The following NPSR1 variants were observed in gnomAD, a reference collection of about 807,000 sequenced individuals.
The protein encoded by NPSR1 is neuropeptide S receptor.
Under a neutral mutation model 46.9 loss-of-function variants are expected in NPSR1, and 48 were observed. The ratio of observed to expected loss-of-function variants is 1.02; its 90% CI spans 0.81 to 1.30. The LOEUF (loss-of-function observed/expected upper bound fraction) is 1.30, where lower values mean the gene tolerates loss of function less well. Ranked by LOEUF, NPSR1 falls within the 50% of genes most tolerant of loss-of-function variation. NPSR1 has a pLI of 0.00. For synonymous variants in NPSR1, 176 were observed against 168.1 expected (o/e 1.05, Z -0.36); for missense variants, 450 against 449.5 (o/e 1.00, Z -0.01).
chr7:34,687,326 T>C (rs572883260), intron 2 of NPSR1, among the ~76,000 whole-genome samples: 4 of 152,318 alleles, frequency 2.6e-5, no homozygotes, highest in African/African-American at 9.6e-5. Flanking sequence ...CAGTGATAAC[T>C]CAATAGTATG....
At chr7:34,767,739 G>A (rs1336388563) in intron 2 of NPSR1, among the ~76,000 whole-genome samples, 1 of 152,036 alleles carries the variant, frequency 6.6e-6, no homozygotes, top group Non-Finnish European at 1.5e-5. Flanking sequence ...AATAATGAAA[G>A]CATCAAATCA....
At chr7:34,845,995 G>A (rs771565504) in intron 7 of NPSR1, among the ~76,000 whole-genome samples, 7 of 152,140 alleles carry the variant, frequency 4.6e-5, no homozygotes, top group Non-Finnish European at 8.8e-5. Flanking sequence ...TTTCTGAAAC[G>A]CAACTGCAAA....
intron 2 of NPSR1, chr7:34,750,353 T>C (rs1357805011): frequency 1.4e-6 from 1 of 728,738 alleles, no homozygotes; most frequent in East Asian, 2.6e-5. Flanking sequence ...ACTTGACTCA[T>C]CACTTGAGAA....
intron 4 of NPSR1, among the ~76,000 whole-genome samples, chr7:34,812,292 T>A (rs1336433203): frequency 6.6e-6 from 1 of 152,054 alleles, no homozygotes; most frequent in South Asian, 2.1e-4. Flanking sequence ...ATAGAAATAA[T>A]TGGAAAGATG....
At chr7:34,842,112 C>A (rs1790585266) in intron 6 of NPSR1, among the ~76,000 whole-genome samples, 1 of 152,194 alleles carries the variant, frequency 6.6e-6, no homozygotes, top group East Asian at 1.9e-4. Flanking sequence ...ATCCAACATC[C>A]AAGCTTGGGG....
chr7:34,756,103 A>G (rs764042318), intron 2 of NPSR1, among the ~76,000 whole-genome samples: 2 of 152,180 alleles, frequency 1.3e-5, no homozygotes, highest in Non-Finnish European at 2.9e-5. Context: ...CCTGCTAGAC[A>G]TGGGGAGGAG....
chr7:34,836,120 C>G (rs564450141), intron 6 of NPSR1, among the ~76,000 whole-genome samples: 1 of 152,226 alleles, frequency 6.6e-6, no homozygotes, highest in Admixed American at 6.5e-5. Flanking sequence ...TAATTCCAGC[C>G]CCCATGCAGA....
intron 3 of NPSR1, among the ~76,000 whole-genome samples, chr7:34,808,135 G>C (rs1035961665): frequency 2.6e-5 from 4 of 152,172 alleles, no homozygotes; most frequent in Non-Finnish European, 4.4e-5. Context: ...GCCAAGGACT[G>C]CTGGCAGTCA....
At chr7:34,787,063 T>C (rs1787497863) in intron 3 of NPSR1, among the ~76,000 whole-genome samples, 2 of 152,152 alleles carry the variant, frequency 1.3e-5, no homozygotes, top group South Asian at 2.1e-4. Context: ...TTCTCCTCTC[T>C]AGCTATAGAA....
chr7:34,711,693 G>C (rs143470985), intron 2 of NPSR1, among the ~76,000 whole-genome samples: 1 of 152,220 alleles, frequency 6.6e-6, no homozygotes, highest in African/African-American at 2.4e-5. Context: ...ACACTGAGAC[G>C]ATGCACATAA....
intron 4 of NPSR1, among the ~76,000 whole-genome samples, chr7:34,813,723 C>T (rs532326327): frequency 6.6e-6 from 1 of 152,314 alleles, no homozygotes; most frequent in East Asian, 1.9e-4. Context: ...CAAAACTTGA[C>T]ATTTGACCTC....
In NPSR1 at chr7:34,861,539, T is replaced by G. The variant is rs1791191741; in HGVS notation, c.1025+12876T>G. On this transcript the variant is annotated intron_variant, in intron 8 of 8. Transcript: ENST00000359791. ...CTGTACAATGTGCTTATTGGCTATG[T>G]TTATTGTTGATATCTCCCATGAGAC... 3.3e-5 allele frequency among the ~76,000 whole-genome samples: 5 copies of G among 151,892 alleles called. No homozygotes were observed. The South Asian group carries it at 1.0e-3, about 31-fold the overall frequency.
intron 2 of NPSR1, among the ~76,000 whole-genome samples, chr7:34,742,173 T>C (rs1371040845): frequency 6.8e-5 from 10 of 148,044 alleles, no homozygotes; most frequent in Non-Finnish European, 1.5e-5. Context: ...TCTCTCTCCT[T>C]TTTTTTTTTT....
chr7:34,761,624 G>GA (rs1786177800), intron 2 of NPSR1, among the ~76,000 whole-genome samples: 1 of 152,086 alleles, frequency 6.6e-6, no homozygotes, highest in African/African-American at 2.4e-5. Context: ...TGGGCAAAGG[G>GA]AAAAAGACAT....
chr7:34,779,824 A>G (rs921305927), intron 3 of NPSR1: 1 of 220,656 alleles, frequency 4.5e-6, no homozygotes, highest in Non-Finnish European at 9.3e-6. Context: ...AAAACAATAA[A>G]CATTTATTAT....
intron 2 of NPSR1, among the ~76,000 whole-genome samples, chr7:34,712,321 C>G (rs1022495845): frequency 1.3e-5 from 2 of 152,196 alleles, no homozygotes; most frequent in African/African-American, 2.4e-5. Context: ...CTCCACTCTA[C>G]TTTTCCATTT....
rs1047115249 is a variant in NPSR1, at chr7:34,864,391, A to T, written c.1026-13685A>T. On this transcript the variant is annotated intron_variant, in intron 8 of 8. Transcript: ENST00000359791. ...TATAATAATAAAAAAAAAAGAAAAA[A>T]AAAAGACACTCCAGCAATAAAATAC... 6.8e-4 allele frequency among the ~76,000 whole-genome samples: 104 copies of T among 151,826 alleles called. 3 individuals carry two copies. Among genetic ancestry groups the T allele is most frequent in the African/African-American group, 2.5e-3 (101 of 41,134 alleles).
chr7:34,837,843 T>C (rs896888192), intron 6 of NPSR1, among the ~76,000 whole-genome samples: 2 of 152,212 alleles, frequency 1.3e-5, no homozygotes, highest in Non-Finnish European at 2.9e-5. Context: ...AGAGAGCTAT[T>C]CCTACCTCAT....
intron 3 of NPSR1, chr7:34,779,406 A>G (rs1478655346): frequency 1.7e-5 from 5 of 287,898 alleles, no homozygotes; most frequent in Non-Finnish European, 3.3e-5. Context: ...AAATTATTAT[A>G]GCTTTATGTA....
Sources: allele counts gnomAD v4.1 joint callset (sites outside exome capture counted in the v4.1 genomes callset), GRCh38; gene constraint gnomAD v4.1.1; transcripts MANE v1.5; gene names NCBI Gene and HGNC (gene_info 2026-07-23, HGNC 2026-07-21).